Variants in MAP3K4 observed in about 807,000 individuals in gnomAD.
MAP3K4 encodes MAP three kinase 1.
MAP3K4 carries 67 observed loss-of-function variants against 185.6 expected under a neutral mutation model. That is an observed-to-expected ratio of 0.36 (90% CI 0.30 to 0.44). MAP3K4 has a LOEUF of 0.44. Ranked by LOEUF, MAP3K4 falls within the 20% of genes least tolerant of loss-of-function variation. The pLI is 1.00. For missense variants in MAP3K4, 1,551 were observed against 1,995.1 expected (o/e 0.78, Z 4.24); for synonymous variants, 702 against 710.4 (o/e 0.99, Z 0.19).
intron 6 of MAP3K4, 77 bp downstream of exon 6, chr6:161,081,115 A>G: frequency 6.2e-6 from 9 of 1,440,876 alleles, no homozygotes; most frequent in South Asian, 1.3e-5. Context: ...ATTCTCTCCT[A>G]TGTGTTTGTA....
At position 161,116,390 on chromosome 6, in the gene MAP3K4, A is replaced by T. The variant is rs1778592681; in HGVS notation, c.4807-460A>T. ...GGGAGGGTCCACAGAGGACAAGGGG[A>T]TGAGAACAGAGCCCTGGAGAAAAGA... On this transcript the variant is annotated intron_variant, in intron 26 of 26. Coordinates refer to ENST00000392142, the MANE Select transcript of MAP3K4 (RefSeq NM_005922.4). The surrounding 1 kb of genome is among the most constrained non-coding windows in gnomAD (Gnocchi z 6.2). 6.6e-6 allele frequency among the ~76,000 whole-genome samples: 1 copy of T among 151,944 alleles called. No individual in the cohort carries two copies. Among genetic ancestry groups the T allele is most frequent in the South Asian group, 2.1e-4 (1 of 4,800 alleles).
At chr6:161,052,919 G>C (rs540243439) in intron 3 of MAP3K4, among the ~76,000 whole-genome samples, 3 of 152,046 alleles carry the variant, frequency 2.0e-5, no homozygotes, top group Non-Finnish European at 4.4e-5. Context: ...TTTCTGACTC[G>C]AAGCCTTTGC....
chr6:161,021,195 A>G (rs1473582169), intron 1 of MAP3K4, among the ~76,000 whole-genome samples: 1 of 152,220 alleles, frequency 6.6e-6, no homozygotes, highest in Non-Finnish European at 1.5e-5. Flanking sequence ...ATAATTCCAA[A>G]AGGCATTGTT....
chr6:161,007,473 A>G lies in MAP3K4; in HGVS notation c.152+15390A>G, dbSNP rs914786098. On this transcript the variant is annotated intron_variant, in intron 1 of 26. Coordinates refer to ENST00000392142, the MANE Select transcript of MAP3K4 (RefSeq NM_005922.4). The surrounding 1 kb of genome is among the most constrained non-coding windows in gnomAD (Gnocchi z 4.5). Reference sequence around the variant, plus strand: ...AACACAGAACGTGGATTTCCTATCCATTGCTCTCTTAAGGAGCACAGGGCT... The same window carrying G: ...AACACAGAACGTGGATTTCCTATCCGTTGCTCTCTTAAGGAGCACAGGGCT... 3.3e-5 allele frequency among the ~76,000 whole-genome samples: 5 copies of G among 152,210 alleles called. No homozygotes were observed. The highest frequency in any genetic ancestry group is 1.2e-4 in the African/African-American group (5 of 41,456).
rs1784487216 is a variant in MAP3K4, at chr6:161,061,576, G to T, written c.1708-9032G>T. Among the ~76,000 whole-genome samples, 1 of 152,132 alleles carries T rather than the reference G, an allele frequency of 6.6e-6. No homozygotes were observed. The highest frequency in any genetic ancestry group is 1.5e-5 in the Non-Finnish European group (1 of 68,022). On this transcript the variant is annotated intron_variant, in intron 3 of 26. Transcript: ENST00000392142. This position sits in a 1 kb window ranked among gnomAD's most constrained non-coding sequence, Gnocchi z 4.2. ...TGTGTAACTTTGGAACATTTTCATTGCCCCTAAAAGAAGTCCTGTACCCTT... is the reference window on the plus strand; with the variant it reads ...TGTGTAACTTTGGAACATTTTCATTTCCCCTAAAAGAAGTCCTGTACCCTT...
At chr6:161,028,528 A>G (rs932158256) in intron 1 of MAP3K4, among the ~76,000 whole-genome samples, 2 of 152,214 alleles carry the variant, frequency 1.3e-5, no homozygotes, top group Non-Finnish European at 2.9e-5. Flanking sequence ...TTCAATCAGC[A>G]AGTAGTTTTG....
At chr6:161,000,465 A>G (rs1339546177) in intron 1 of MAP3K4, among the ~76,000 whole-genome samples, 1 of 152,232 alleles carries the variant, frequency 6.6e-6, no homozygotes, top group East Asian at 1.9e-4. Flanking sequence ...GAATGTATCT[A>G]TGCTTGTCTC....
chr6:161,096,356 A>AG lies in MAP3K4; in HGVS notation c.3428-724_3428-723insG, dbSNP rs1777572801. On this transcript the variant is annotated intron_variant, in intron 15 of 26. Coordinates refer to ENST00000392142, the MANE Select transcript of MAP3K4 (RefSeq NM_005922.4). This position sits in a 1 kb window ranked among gnomAD's most constrained non-coding sequence, Gnocchi z 4.9. ...TAAAAAAATACTAAGGAGGGTTAAA[A>AG]CAGAGTGGTAAAAGTGAAGAAGAGA... Among the ~76,000 whole-genome samples the AG allele has an allele frequency of 6.6e-6, 1 of 152,210 alleles. No individual in the cohort carries two copies. The highest frequency in any genetic ancestry group is 6.5e-5 in the Admixed American group (1 of 15,284).
intron 1 of MAP3K4, among the ~76,000 whole-genome samples, chr6:161,028,520 C>A (rs990115677): frequency 1.3e-5 from 2 of 152,066 alleles, no homozygotes; most frequent in African/African-American, 4.8e-5. Context: ...TTTGTTTATT[C>A]AATCAGCAAG....
Position 161,106,646 on chromosome 6 carries a change from A to G in MAP3K4, c.3989A>G (p.Asn1330Ser). The change falls in exon 20 of 27, where the codon AAT (asparagine) becomes AGT (serine). Residue 1330 changes from asparagine (N) to serine (S), a missense_variant. Asn to Ser is a conservative substitution (Grantham distance 46). Around this residue, in one of 16 missense-constraint regions of MAP3K4, gnomAD observed 272 missense variants for 301.2 expected, o/e 0.90. Coordinates refer to ENST00000392142, the MANE Select transcript of MAP3K4 (RefSeq NM_005922.4). The surrounding 1 kb of genome is among the most constrained non-coding windows in gnomAD (Gnocchi z 4.9). ...TGTGATACGCCTAAGTCCTATGATA[A>G]TGTTATGCACGTTGGCTTGAGGAAG... is the stretch of plus-strand genomic sequence containing the variant. ...QVCDTPKSYD[N>S]VMHVGLRKVT... The G allele has an allele frequency of 6.2e-7, 1 of 1,613,980 alleles. No individual in the cohort carries two copies. Among genetic ancestry groups the G allele is most frequent in the East Asian group, 2.2e-5 (1 of 44,868 alleles).
chr6:161,049,745 C>T lies in MAP3K4; in HGVS notation c.1473C>T (p.Ser491=), dbSNP rs1368714875. The T allele has an allele frequency of 1.2e-6, 2 of 1,614,096 alleles. No homozygotes were observed. The highest frequency in any genetic ancestry group is 1.7e-6 in the Non-Finnish European group (2 of 1,180,024). Residue 491 remains serine (S), a synonymous_variant, in exon 3 of 27, where the codon TCC becomes TCT. Coordinates refer to ENST00000392142, the MANE Select transcript of MAP3K4 (RefSeq NM_005922.4). This position sits in a 1 kb window ranked among gnomAD's most constrained non-coding sequence, Gnocchi z 8.4. Reference sequence around the variant, plus strand: ...ACATCCAGTCGCGGGACTGCATATCCAAGAAGCTTGAGAGGCTCGAATCTG... The same window carrying T: ...ACATCCAGTCGCGGGACTGCATATCTAAGAAGCTTGAGAGGCTCGAATCTG... ...SFDIQSRDCI[S]KKLERLESED...
Position 161,091,450 on chromosome 6 carries a change from A to G in MAP3K4, c.3045A>G (p.Glu1015=), listed in dbSNP as rs1161021198. 2.5e-6 allele frequency: 4 copies of G among 1,614,032 alleles called. No homozygotes were observed. In the Admixed American group the frequency reaches 5.0e-5, roughly 20 times the overall value. The part of the protein sequence containing the change: ...IDRVDHMFTS[E]FDAEVDESES... ...GCGTGGACCACATGTTCACATCAGA[A>G]TTTGATGCTGAGGTTGATGAATCTG... The change falls in exon 12 of 27, where the codon GAA becomes GAG. Residue 1015 remains glutamate, a synonymous_variant. Coordinates refer to ENST00000392142, the MANE Select transcript of MAP3K4 (RefSeq NM_005922.4). The surrounding 1 kb of genome is among the most constrained non-coding windows in gnomAD (Gnocchi z 5.5).
rs1207663859 is a variant in MAP3K4 at position 161,077,630 on chromosome 6, A to C, written c.2098-3251A>C. On this transcript the variant is annotated intron_variant, in intron 5 of 26. Transcript: ENST00000392142. The surrounding 1 kb of genome is among the most constrained non-coding windows in gnomAD (Gnocchi z 4.3). Reference sequence around the variant, plus strand: ...CAGGAATGCACATGCAAGTCCTTGGATTAGAGGGGGTAACATACATTCAGA... The same window carrying C: ...CAGGAATGCACATGCAAGTCCTTGGCTTAGAGGGGGTAACATACATTCAGA... Among the ~76,000 whole-genome samples, 1 of 152,176 alleles carries C rather than the reference A, an allele frequency of 6.6e-6. No individual in the cohort carries two copies. The highest frequency in any genetic ancestry group is 1.5e-5 in the Non-Finnish European group (1 of 68,036).
In MAP3K4 at chr6:161,037,261, G is replaced by A. The variant is rs990908673; in HGVS notation, c.343+2812G>A. On this transcript the variant is annotated intron_variant, in intron 2 of 26. Transcript: ENST00000392142. The surrounding 1 kb of genome is among the most constrained non-coding windows in gnomAD (Gnocchi z 4.2). Reference sequence around the variant, plus strand: ...GCATGGTGGACAAAAGCAGAATCTTGGTTGCTTGATCACCCGGACTCCAGT... The same window carrying A: ...GCATGGTGGACAAAAGCAGAATCTTAGTTGCTTGATCACCCGGACTCCAGT... 2.0e-5 allele frequency among the ~76,000 whole-genome samples: 3 copies of A among 152,158 alleles called. No homozygotes were observed. The highest frequency in any genetic ancestry group is 7.2e-5 in the African/African-American group (3 of 41,434).
intron 1 of MAP3K4, among the ~76,000 whole-genome samples, chr6:161,015,718 C>T (rs1383205141): frequency 1.3e-5 from 2 of 151,990 alleles, no homozygotes; most frequent in Admixed American, 6.6e-5. Flanking sequence ...GTGCCAGGCT[C>T]GTTTTAACAA....
rs1778407084 is a variant in MAP3K4, at chr6:161,112,663, T to C, written c.4520-5T>C. ...TTACTCTCAACATATCTGTGACTTT[T>C]AAAGCATACATGGCACCTGAAGTCA... On this transcript the variant is annotated splice_polypyrimidine_tract_variant and splice_region_variant and intron_variant, in intron 24 of 26. Transcript: ENST00000392142. The surrounding 1 kb of genome is among the most constrained non-coding windows in gnomAD (Gnocchi z 5.1). 2 of 1,557,700 alleles carry C rather than the reference T, an allele frequency of 1.3e-6. No homozygotes were observed. Among genetic ancestry groups the C allele is most frequent in the East Asian group, 2.3e-5 (1 of 43,632 alleles).
intron 2 of MAP3K4, among the ~76,000 whole-genome samples, chr6:161,041,972 G>A (rs897481022): frequency 2.9e-5 from 4 of 137,720 alleles, no homozygotes; most frequent in East Asian, 4.5e-4. Context: ...TGCCCAGACT[G>A]GCCCGGAACC....
intron 11 of MAP3K4, among the ~76,000 whole-genome samples, 192 bp downstream of exon 11, chr6:161,089,663 C>T (rs1369652545): frequency 6.6e-6 from 1 of 152,128 alleles, no homozygotes; most frequent in African/African-American, 2.4e-5. Context: ...AGCTGTAGAA[C>T]TTTATAATTG....
At chr6:161,078,802 G>A (rs556011406) in intron 5 of MAP3K4, among the ~76,000 whole-genome samples, 2 of 152,314 alleles carry the variant, frequency 1.3e-5, no homozygotes, top group African/African-American at 4.8e-5. Flanking sequence ...CCGATTAGAA[G>A]TCCATAGGTG....
Sources: gnomAD v4.1 joint callset for allele counts (sites outside exome capture counted in the v4.1 genomes callset) on GRCh38, gnomAD v4.1.1 for gene constraint, gnomAD v4.1.1 regional missense constraint, Gnocchi (gnomAD v3.1) non-coding constraint, MANE v1.5 for transcripts, NCBI Gene and HGNC (gene_info 2026-07-23, HGNC 2026-07-21) for gene names.